Variants in CCDC3 observed in about 807,000 individuals in gnomAD.
CCDC3 encodes coiled-coil domain-containing protein 3.
A neutral mutation model predicts 21.4 loss-of-function variants in CCDC3; 24 were observed. That is an observed-to-expected ratio of 1.12 (90% confidence interval 0.81 to 1.58). The LOEUF is 1.58. CCDC3 is among the 40% of genes most tolerant of loss of function. CCDC3 has a pLI of 0.00. For synonymous variants in CCDC3, 186 were observed against 166.0 expected (o/e 1.12, Z -0.93); for missense variants, 425 against 360.9 (o/e 1.18, Z -1.44).
intron 5 of CCDC3, among the ~76,000 whole-genome samples, chr10:13,035,465 A>G (rs889692409): frequency 1.5e-4 from 23 of 152,332 alleles, no homozygotes; most frequent in African/African-American, 5.5e-4. Context: ...TTTCAAAAAC[A>G]CTTTGCCAGA....
intron 4 of CCDC3, among the ~76,000 whole-genome samples, chr10:13,051,986 G>T (rs1836614068): frequency 6.6e-6 from 1 of 152,142 alleles, no homozygotes; most frequent in Non-Finnish European, 1.5e-5. Flanking sequence ...CAGAAGTTGT[G>T]TATGCAGCTG....
chr10:12,973,855 G>A (rs1318128008), intron 2 of CCDC3, among the ~76,000 whole-genome samples: 1 of 152,230 alleles, frequency 6.6e-6, no homozygotes, highest in Admixed American at 6.5e-5. Context: ...GTAGTGTGAT[G>A]TGGTTTTTTA....
At chr10:12,927,921 G>C (rs143184646) in intron 2 of CCDC3, among the ~76,000 whole-genome samples, 2 of 152,310 alleles carry the variant, frequency 1.3e-5, no homozygotes, top group East Asian at 3.9e-4. Flanking sequence ...TCCAGAAATG[G>C]AATTGCAATG....
chr10:12,926,712 A>G (rs1834546128), intron 2 of CCDC3, among the ~76,000 whole-genome samples: 1 of 152,252 alleles, frequency 6.6e-6, no homozygotes. Flanking sequence ...AAATAGGTTG[A>G]AAGCAAAAGG....
chr10:13,051,664 A>T (rs59876719), intron 4 of CCDC3, among the ~76,000 whole-genome samples: 45,582 of 151,922 alleles, frequency 0.3, 6,921 homozygotes, highest in Middle Eastern at 0.4. Flanking sequence ...GGGAATATCT[A>T]AAGTCTGGGC....
rs371457252 is a variant in CCDC3, at chr10:12,992,424, T to C, written c.549+5914A>G. On this transcript the variant is annotated intron_variant, in intron 2 of 2. Transcript: ENST00000378825. ...AAACAAAACAAAACCAACAACTCCA[T>C]TGAGATAAAGAAAATGTATTTTATA... Among the ~76,000 whole-genome samples the C allele has an allele frequency of 1.7e-4, 26 of 152,066 alleles. No homozygotes were observed. The South Asian group carries it at 2.1e-3, about 12-fold the overall frequency.
intron 2 of CCDC3, among the ~76,000 whole-genome samples, chr10:12,978,177 C>T (rs565787696): frequency 1.3e-5 from 2 of 152,274 alleles, no homozygotes; most frequent in Non-Finnish European, 1.5e-5. Flanking sequence ...TGCCACCACA[C>T]CTGGCTAAGT....
intron 4 of CCDC3, among the ~76,000 whole-genome samples, chr10:13,072,374 AC>A (rs80319876): frequency 0.26 from 38,811 of 151,988 alleles, 5,188 homozygotes; most frequent in South Asian, 0.41. Context: ...CCTTATTCTA[AC>A]CGCCGTTGGA....
intron 5 of CCDC3, among the ~76,000 whole-genome samples, chr10:13,025,411 G>T (rs1275022404): frequency 6.6e-6 from 1 of 152,198 alleles, no homozygotes; most frequent in Admixed American, 6.5e-5. Context: ...GCCAAACACA[G>T]AATTAACATA....
upstream of CCDC3, among the ~76,000 whole-genome samples, chr10:13,003,763 T>C (rs1210651066): frequency 2.0e-5 from 3 of 152,206 alleles, no homozygotes; most frequent in African/African-American, 7.2e-5. Context: ...TCCACATAGG[T>C]GAGCAAATAA....
intron 5 of CCDC3, among the ~76,000 whole-genome samples, chr10:13,021,973 T>A (rs1184831981): frequency 5.3e-5 from 8 of 152,110 alleles, no homozygotes; most frequent in Non-Finnish European, 1.0e-4. Context: ...TTGGCCAGGA[T>A]GGTCTCGAAC....
chr10:13,059,336 C>T (rs532291956), intron 4 of CCDC3, among the ~76,000 whole-genome samples: 4 of 152,302 alleles, frequency 2.6e-5, no homozygotes, highest in African/African-American at 9.6e-5. Flanking sequence ...CCTAGAACAC[C>T]TACTTTGGAT....
At chr10:13,091,158 T>C (rs1256087364) in intron 3 of CCDC3, among the ~76,000 whole-genome samples, 1 of 152,146 alleles carries the variant, frequency 6.6e-6, no homozygotes, top group African/African-American at 2.4e-5. Context: ...CCCACCCAGA[T>C]TGAGGGTGGG....
chr10:12,975,931 G>A (rs1173661100), intron 2 of CCDC3, among the ~76,000 whole-genome samples: 1 of 152,182 alleles, frequency 6.6e-6, no homozygotes, highest in Non-Finnish European at 1.5e-5. Flanking sequence ...CTGGCTCCAA[G>A]ACACACTCTT....
intron 2 of CCDC3, among the ~76,000 whole-genome samples, chr10:12,963,291 C>A (rs1483305467): frequency 6.6e-6 from 1 of 152,156 alleles, no homozygotes; most frequent in Non-Finnish European, 1.5e-5. Flanking sequence ...ACCTTGTTGA[C>A]CTTTACAATC....
chr10:12,921,974 C>T (rs1834458665), intron 2 of CCDC3, among the ~76,000 whole-genome samples: 1 of 152,190 alleles, frequency 6.6e-6, no homozygotes, highest in African/African-American at 2.4e-5. Flanking sequence ...TCTCAACTCT[C>T]CTACTTCAGC....
At chr10:12,983,173 T>TAA (rs1835533524) in intron 2 of CCDC3, among the ~76,000 whole-genome samples, 4 of 140,718 alleles carry the variant, frequency 2.8e-5, no homozygotes, top group Admixed American at 2.1e-4. Context: ...TATATATATA[T>TAA]AAAATCTATA....
At chr10:13,037,893 G>C (rs2131415976) in intron 5 of CCDC3, among the ~76,000 whole-genome samples, 1 of 151,856 alleles carries the variant, frequency 6.6e-6, no homozygotes, top group Middle Eastern at 3.4e-3. Context: ...TACACCCTGA[G>C]TCTCTACACT....
At chr10:13,075,089 T>C (rs998842057) in intron 3 of CCDC3, among the ~76,000 whole-genome samples, 10 of 152,192 alleles carry the variant, frequency 6.6e-5, no homozygotes, top group Non-Finnish European at 1.3e-4. Flanking sequence ...CCTGGCTCCC[T>C]GATGAACGAA....
Sources: gnomAD v4.1 joint callset for allele counts (sites outside exome capture counted in the v4.1 genomes callset) on GRCh38, gnomAD v4.1.1 for gene constraint, MANE v1.5 for transcripts, NCBI Gene and HGNC (gene_info 2026-07-23, HGNC 2026-07-21) for gene names.